FSD2: variants seen among roughly 807,000 people sequenced by gnomAD.
FSD2 encodes the protein fibronectin type III and SPRY domain containing 2.
A neutral mutation model predicts 80.4 loss-of-function variants in FSD2; 71 were observed. That is an observed-to-expected ratio of 0.88 (90% CI 0.73 to 1.08). The LOEUF (loss-of-function observed/expected upper bound fraction) is 1.08, where lower values mean the gene tolerates loss of function less well. FSD2 is among the 50% of genes least tolerant of loss of function. The pLI is 0.00. For synonymous variants in FSD2, 361 were observed against 329.5 expected, an observed-to-expected ratio of 1.10 and a Z score of -1.03; for missense variants, 923 against 913.8, an observed-to-expected ratio of 1.01 and a Z score of -0.13.
chr15:82,764,852 G>A (rs1245935460), intron 11 of FSD2, among the ~76,000 whole-genome samples: 1 of 152,036 alleles, frequency 6.6e-6, no homozygotes, highest in Non-Finnish European at 1.5e-5. Context: ...CCCTCCACTA[G>A]TAATTCCTGT....
chr15:82,775,675 T>A (rs1370758742), intron 6 of FSD2, among the ~76,000 whole-genome samples: 1 of 152,206 alleles, frequency 6.6e-6, no homozygotes, highest in Non-Finnish European at 1.5e-5. Flanking sequence ...TCCTTTCTTC[T>A]GCAAAATTTG....
At chr15:82,790,860 C>A (rs1029918155) in intron 1 of FSD2, among the ~76,000 whole-genome samples, 1 of 151,120 alleles carries the variant, frequency 6.6e-6, no homozygotes, top group African/African-American at 2.4e-5. Context: ...GCTGGGATTA[C>A]AGGTGTGAGC....
chr15:82,769,983 A>G (rs1452719294), intron 7 of FSD2, 99 bp from the exon 8 acceptor site: 2 of 1,424,806 alleles, frequency 1.4e-6, no homozygotes, highest in African/African-American at 2.8e-5. Flanking sequence ...AAAACTGGCT[A>G]TAAATTCCTC....
intron 6 of FSD2, among the ~76,000 whole-genome samples, chr15:82,776,249 T>C (rs1175007730): frequency 6.6e-6 from 1 of 152,200 alleles, no homozygotes; most frequent in Non-Finnish European, 1.5e-5. Flanking sequence ...ATCACACCAC[T>C]ATACTCCAGG....
rs919861254 is a variant in FSD2 at position 82,759,513 on chromosome 15, A to G, written c.2085T>C (p.Tyr695=). Residue 695 remains tyrosine, a synonymous_variant, in exon 13 of 13, where the codon TAT becomes TAC. Coordinates refer to ENST00000334574, the MANE Select transcript of FSD2 (RefSeq NM_001007122.4). The part of the protein sequence containing the change: ...PPKKIGILLD[Y]EHSKLSFFNV... ...TGAAAAATGACAACTTTGAATGTTC[A>G]TAGTCTAATAGAATGCCAATCTTCT... 5.6e-6 allele frequency: 9 copies of G among 1,611,476 alleles called. No homozygotes were observed. Among genetic ancestry groups the G allele is most frequent in the African/African-American group, 2.7e-5 (2 of 75,048 alleles).
intron 6 of FSD2, among the ~76,000 whole-genome samples, chr15:82,778,158 A>ATATATATATATATATATATG (rs1482215584): frequency 7.7e-6 from 1 of 129,068 alleles, no homozygotes; most frequent in Admixed American, 7.7e-5. Context: ...ATATATATAT[A>ATATATATATATATATATATG]ATAACTATTA....
intron 1 of FSD2, among the ~76,000 whole-genome samples, chr15:82,787,987 A>C (rs2050044498): frequency 6.6e-6 from 1 of 151,850 alleles, no homozygotes; most frequent in African/African-American, 2.4e-5. Context: ...ACTATGTTGG[A>C]ACTCCTGACC....
intron 1 of FSD2, among the ~76,000 whole-genome samples, chr15:82,790,720 C>T (rs1057181552): frequency 4.0e-5 from 6 of 150,214 alleles, no homozygotes; most frequent in Admixed American, 2.0e-4. Context: ...GGACTATAGG[C>T]GCCCGCCACC....
chr15:82,793,224 G>C (rs1447729768), intron 1 of FSD2, among the ~76,000 whole-genome samples: 3 of 151,730 alleles, frequency 2.0e-5, no homozygotes, highest in Admixed American at 2.0e-4. Flanking sequence ...GCATCCCATT[G>C]GAAAAATTAG....
intron 12 of FSD2, among the ~76,000 whole-genome samples, chr15:82,761,439 C>T (rs1010489492): frequency 3.9e-5 from 6 of 152,106 alleles, no homozygotes; most frequent in Admixed American, 6.6e-5. Flanking sequence ...AACTACTAAG[C>T]CTCTTGCCCA....
At chr15:82,763,398 TTC>T (rs2049335431) in intron 11 of FSD2, among the ~76,000 whole-genome samples, 1 of 152,330 alleles carries the variant, frequency 6.6e-6, no homozygotes, top group South Asian at 2.1e-4. Flanking sequence ...GGCAAGTTAC[TTC>T]TCTGTGTTTT....
At chr15:82,777,237 C>T (rs1420601347) in intron 6 of FSD2, among the ~76,000 whole-genome samples, 1 of 152,124 alleles carries the variant, frequency 6.6e-6, no homozygotes, top group African/African-American at 2.4e-5. Context: ...CTACATCATA[C>T]TAAAATAGCT....
In FSD2 at chr15:82,786,613, A is replaced by G; in HGVS notation, c.640-7T>C. ...TGTTTTTGTGAATTTCATCCTATCC[A>G]ACAGAGGATCACAAAGAAGGTATTA... On this transcript the variant is annotated splice_region_variant and splice_polypyrimidine_tract_variant and intron_variant, in intron 2 of 12. Transcript: ENST00000334574. The G allele has an allele frequency of 6.2e-7, 1 of 1,611,602 alleles. No homozygotes were observed. Among genetic ancestry groups the G allele is most frequent in the Non-Finnish European group, 8.5e-7 (1 of 1,177,840 alleles).
In FSD2 at chr15:82,765,876, CTT is replaced by C. The variant is rs755017685; in HGVS notation, c.1687+20_1687+21del. ...GAGTGGCCACTTTGGGTCCCAGAGA[CTT>C]TGTGGGCTGGGGCACAGACCTATGG... On this transcript the variant is annotated intron_variant, in intron 10 of 12. Coordinates refer to ENST00000334574, the MANE Select transcript of FSD2 (RefSeq NM_001007122.4). The C allele has an allele frequency of 6.3e-7, 1 of 1,588,702 alleles. No individual in the cohort carries two copies. Among genetic ancestry groups the C allele is most frequent in the Admixed American group, 1.7e-5 (1 of 57,844 alleles).
At chr15:82,766,544 T>TC (rs1410575599) in intron 9 of FSD2, among the ~76,000 whole-genome samples, 1 of 151,920 alleles carries the variant, frequency 6.6e-6, no homozygotes, top group Non-Finnish European at 1.5e-5. Context: ...GAGTTCGAGA[T>TC]CAGCCTAGCC....
chr15:82,795,775 T>G (rs1188248222), intron 1 of FSD2, among the ~76,000 whole-genome samples: 1 of 151,270 alleles, frequency 6.6e-6, no homozygotes, highest in Non-Finnish European at 1.5e-5. Flanking sequence ...GAGGTTGTAG[T>G]GAGCTGAGAT....
intron 9 of FSD2, 62 bp from the exon 10 acceptor site, chr15:82,766,093 G>A: frequency 6.7e-7 from 1 of 1,485,302 alleles, no homozygotes; most frequent in Non-Finnish European, 9.0e-7. Context: ...CAAGCACCAG[G>A]CATCCCTTTC....
chr15:82,756,700 T>C lies in FSD2; in HGVS notation c.*2648A>G, dbSNP rs2049184392. 6.6e-6 allele frequency: 1 copy of C among 152,176 alleles called. No individual in the cohort carries two copies. The highest frequency in any genetic ancestry group is 1.5e-5 in the Non-Finnish European group (1 of 68,050). 9.4% of individuals were successfully genotyped at this position (152,176 alleles called of 1,614,324 possible). ...AGTTTACGCCAAGATTCTGTGGTGG[T>C]TTTACATATTCTTTTTCCCCTTTGT... On this transcript the variant is annotated 3_prime_UTR_variant, in exon 13 of 13. Coordinates refer to ENST00000334574, the MANE Select transcript of FSD2 (RefSeq NM_001007122.4).
At position 82,756,916 on chromosome 15, in the gene FSD2, G is replaced by GT; in HGVS notation, c.*2431dup. The GT allele has an allele frequency of 6.6e-6, 1 of 152,282 alleles. No individual in the cohort carries two copies. The highest frequency in any genetic ancestry group is 2.4e-5 in the African/African-American group (1 of 41,564). The allele number at this position is 152,282 out of a possible 1,614,324, so 9.4% of individuals were successfully genotyped here. ...TGTTTTTTAACAGACTTATCAGCAG[G>GT]TTGCAGGTGAACATGGCCTTGAGGT... On this transcript the variant is annotated 3_prime_UTR_variant, in exon 13 of 13. Coordinates refer to ENST00000334574, the MANE Select transcript of FSD2 (RefSeq NM_001007122.4).
Sources: gnomAD v4.1 joint callset for allele counts (sites outside exome capture counted in the v4.1 genomes callset) on GRCh38, gnomAD v4.1.1 for gene constraint, MANE v1.5 for transcripts, NCBI Gene and HGNC (gene_info 2026-07-23, HGNC 2026-07-21) for gene names.